Variants in DNAH6 observed in about 807,000 individuals in gnomAD.
DNAH6 encodes axonemal beta dynein heavy chain 6.
DNAH6 carries 340 observed loss-of-function variants against 491.4 expected under a neutral mutation model. The ratio of observed to expected loss-of-function variants is 0.69; its 90% CI spans 0.63 to 0.76. DNAH6 has a LOEUF of 0.76. Among genes scored for constraint, DNAH6 ranks in the 30% least tolerant of loss-of-function variants. DNAH6 has a pLI of 0.00. For synonymous variants in DNAH6, 1,603 were observed against 1,686.1 expected (o/e 0.95, Z 1.21); for missense variants, 4,443 against 4,972.2 (o/e 0.89, Z 3.20).
chr2:84,526,312 G>C (rs1020208088), intron 3 of DNAH6, among the ~76,000 whole-genome samples: 5 of 152,110 alleles, frequency 3.3e-5, no homozygotes, highest in African/African-American at 1.2e-4. Flanking sequence ...CTGAGGTTTT[G>C]GTTGAGAGGA....
chr2:84,723,152 C>A (rs1203972683), intron 60 of DNAH6, among the ~76,000 whole-genome samples: 1 of 152,148 alleles, frequency 6.6e-6, no homozygotes, highest in African/African-American at 2.4e-5. Context: ...TGCTTAAACC[C>A]AGGAGGTGGA....
chr2:84,701,368 T>C (rs1695885090), intron 49 of DNAH6, 29 bp downstream of exon 49: 1 of 1,534,960 alleles, frequency 6.5e-7, no homozygotes, highest in Non-Finnish European at 8.8e-7. Context: ...ATGAAAATAT[T>C]GTTTTGCTTG....
At chr2:84,464,779 T>C in the DNAH6 span, among the ~76,000 whole-genome samples, 2 of 152,132 alleles carry the variant, frequency 1.3e-5, no homozygotes, top group African/African-American at 2.4e-5. Context: ...TTTGGCTAGC[T>C]CCTTTACTGC....
chr2:84,698,225 T>C (rs976187377), intron 47 of DNAH6, among the ~76,000 whole-genome samples: 1 of 152,248 alleles, frequency 6.6e-6, no homozygotes, highest in Non-Finnish European at 1.5e-5. Flanking sequence ...GCTTTTTTCC[T>C]TGTTTTTGCA....
chr2:84,805,516 T>G, intron 70 of DNAH6, 149 bp from the exon 71 acceptor site: 4 of 648,596 alleles, frequency 6.2e-6, no homozygotes, highest in East Asian at 6.7e-5. Flanking sequence ...AGATCTCATG[T>G]TAATTGTTCT....
intron 64 of DNAH6, among the ~76,000 whole-genome samples, chr2:84,776,826 A>G (rs1305699494): frequency 2.0e-5 from 3 of 152,236 alleles, no homozygotes; most frequent in Non-Finnish European, 4.4e-5. Context: ...TCACAATAGC[A>G]AAGACTTGGA....
chr2:84,792,024 A>G (rs1380571449), intron 68 of DNAH6, among the ~76,000 whole-genome samples: 1 of 152,198 alleles, frequency 6.6e-6, no homozygotes, highest in East Asian at 1.9e-4. Context: ...TCGTATATAC[A>G]TACAATGGAA....
chr2:84,574,677 G>A (rs1184548287), intron 12 of DNAH6, among the ~76,000 whole-genome samples: 1 of 152,190 alleles, frequency 6.6e-6, no homozygotes, highest in Non-Finnish European at 1.5e-5. Context: ...GACTTAGTGT[G>A]TGCTGAACAG....
At chr2:84,511,849 T>C (rs77339190), upstream of DNAH6, among the ~76,000 whole-genome samples, 1 of 152,244 alleles carries the variant, frequency 6.6e-6, no homozygotes, top group African/African-American at 2.4e-5. Context: ...TGAAATACTT[T>C]TACATTCCTG....
At chr2:84,752,233 T>C (rs1398880314) in intron 63 of DNAH6, among the ~76,000 whole-genome samples, 1 of 152,250 alleles carries the variant, frequency 6.6e-6, no homozygotes, top group African/African-American at 2.4e-5. Context: ...TGTTAAGTCC[T>C]TATTGTTAAT....
At chr2:84,509,236 A>G in the DNAH6 span, among the ~76,000 whole-genome samples, 1 of 152,240 alleles carries the variant, frequency 6.6e-6, no homozygotes, top group African/African-American at 2.4e-5. Context: ...GACTTGCTTT[A>G]TGAATCTGGG....
At chr2:84,487,924 T>A in the DNAH6 span, among the ~76,000 whole-genome samples, 1 of 151,706 alleles carries the variant, frequency 6.6e-6, no homozygotes, top group Non-Finnish European at 1.5e-5. Context: ...ACAAACAACC[T>A]AATCTAGGAC....
intron 41 of DNAH6, among the ~76,000 whole-genome samples, chr2:84,680,289 T>C (rs1242730903): frequency 6.6e-6 from 1 of 152,210 alleles, no homozygotes; most frequent in Non-Finnish European, 1.5e-5. Flanking sequence ...GCTTCTCCCA[T>C]TAGTTACTCC....
At chr2:84,579,326 G>T (rs763458686) in intron 13 of DNAH6, among the ~76,000 whole-genome samples, 2 of 152,174 alleles carry the variant, frequency 1.3e-5, no homozygotes, top group African/African-American at 2.4e-5. Flanking sequence ...TTTTTGGTAA[G>T]CTGTGGAAAT....
intron 64 of DNAH6, among the ~76,000 whole-genome samples, chr2:84,770,498 G>T (rs1559021438): frequency 6.6e-6 from 1 of 152,044 alleles, no homozygotes; most frequent in East Asian, 1.9e-4. Flanking sequence ...CACCAAAATA[G>T]AGAATATCAA....
At chr2:84,732,523 C>T (rs985497705) in intron 61 of DNAH6, among the ~76,000 whole-genome samples, 4 of 152,148 alleles carry the variant, frequency 2.6e-5, no homozygotes, top group African/African-American at 9.7e-5. Flanking sequence ...AGACGTCCGT[C>T]ACAAAAGCCC....
rs920356298 is a variant in DNAH6, at chr2:84,529,019, T to G, written c.515T>G (p.Phe172Cys). 3 of 1,551,364 alleles carry G rather than the reference T, an allele frequency of 1.9e-6. No individual in the cohort carries two copies. The African/African-American group carries it at 4.1e-5, about 21-fold the overall frequency. ...TRSSAYPKYT[F>C]HDREEVVKAN... ...TCTTCAGCTTACCCTAAGTACACTTTTCACGACCGAGAAGAAGTTGTTAAA... is the reference window on the plus strand; with the variant it reads ...TCTTCAGCTTACCCTAAGTACACTTGTCACGACCGAGAAGAAGTTGTTAAA... The change falls in exon 4 of 77, where the codon TTT (phenylalanine) becomes TGT (cysteine). Residue 172 changes from phenylalanine (F) to cysteine (C), a missense_variant. Transcript: ENST00000389394.
At chr2:84,727,577 A>G in intron 60 of DNAH6, 92 bp from the exon 61 acceptor site, 1 of 738,032 alleles carries the variant, frequency 1.4e-6, no homozygotes. Context: ...GCTGCCATTT[A>G]CTCACTGAAT....
chr2:84,812,643 G>GA, intron 73 of DNAH6, 117 bp downstream of exon 73: 1 of 866,424 alleles, frequency 1.2e-6, no homozygotes, highest in Non-Finnish European at 1.8e-6. Flanking sequence ...TGAGCCCAGA[G>GA]AAAAAGAGAT....
Sources: allele counts gnomAD v4.1 joint callset (sites outside exome capture counted in the v4.1 genomes callset), GRCh38; gene constraint gnomAD v4.1.1; transcripts MANE v1.5; gene names NCBI Gene and HGNC (gene_info 2026-07-23, HGNC 2026-07-21).